The following NHERF4 variants were observed in gnomAD, a reference collection of about 807,000 sequenced individuals.
NHERF4 encodes NHERF family PDZ scaffold protein 4, also known as Na(+)/H(+) exchange regulatory cofactor NHE-RF4.
At chr11:119,187,968 T>C in the NHERF4 span, 6 of 1,574,198 alleles carry the variant, frequency 3.8e-6, no homozygotes, top group Non-Finnish European at 5.2e-6. Flanking sequence ...CAGGTGACCT[T>C]GCTGGTGGCA....
the NHERF4 span, chr11:119,189,166 G>C: frequency 6.2e-7 from 1 of 1,612,920 alleles, no homozygotes; most frequent in Non-Finnish European, 8.5e-7. The surrounding 1 kb of genome is among the most constrained non-coding windows in gnomAD (Gnocchi z 5.8). Context: ...CCAGGTCTCT[G>C]CGGGGCTTGG....
chr11:119,188,674 C>CA, the NHERF4 span: 1 of 1,614,184 alleles, frequency 6.2e-7, no homozygotes, highest in Non-Finnish European at 8.5e-7. Flanking sequence ...TTGGAGAACA[C>CA]AGAGGCTCCC....
chr11:119,186,361 A>G, the NHERF4 span: 5 of 1,555,590 alleles, frequency 3.2e-6, no homozygotes, highest in African/African-American at 1.4e-5. The surrounding 1 kb of genome is among the most constrained non-coding windows in gnomAD (Gnocchi z 4.4). Flanking sequence ...CCAACACCCA[A>G]CCAGGCAGAA....
chr11:119,186,338 C>A, the NHERF4 span: 1 of 1,558,146 alleles, frequency 6.4e-7, no homozygotes, highest in Non-Finnish European at 8.8e-7. The surrounding 1 kb of genome is among the most constrained non-coding windows in gnomAD (Gnocchi z 4.4). Flanking sequence ...CCTCTGCCCA[C>A]GAACCCCACC....
At chr11:119,187,164 AG>A in the NHERF4 span, 1 of 913,650 alleles carries the variant, frequency 1.1e-6, no homozygotes, top group East Asian at 2.9e-5. Flanking sequence ...AAAAAGAAAA[AG>A]AAAAAAAGCC....
the NHERF4 span, chr11:119,188,192 G>A: frequency 6.6e-7 from 1 of 1,514,554 alleles, no homozygotes. Flanking sequence ...CCTTGGGGTG[G>A]GCACACAAGC....
At chr11:119,188,474 G>A in the NHERF4 span, 1 of 1,611,704 alleles carries the variant, frequency 6.2e-7, no homozygotes, top group Non-Finnish European at 8.5e-7. Flanking sequence ...TGAGGAGACA[G>A]TGTCCAGGAT....
the NHERF4 span, chr11:119,187,821 T>TC: frequency 6.9e-7 from 1 of 1,456,790 alleles, no homozygotes; most frequent in Non-Finnish European, 9.1e-7. Context: ...ATCACCATCC[T>TC]CCCCCTCTAC....
the NHERF4 span, chr11:119,186,775 C>T: frequency 2.4e-6 from 3 of 1,259,016 alleles, no homozygotes; most frequent in Non-Finnish European, 3.3e-6. This position sits in a 1 kb window ranked among gnomAD's most constrained non-coding sequence, Gnocchi z 4.4. Context: ...GGCAGCAGGG[C>T]ACAAGCCTCA....
the NHERF4 span, chr11:119,187,785 ACCT>A: frequency 6.8e-7 from 1 of 1,459,944 alleles, no homozygotes; most frequent in Non-Finnish European, 9.0e-7. Context: ...CATGCGCCTA[ACCT>A]CCTTATCTGG....
the NHERF4 span, chr11:119,187,140 C>CAA: frequency 6.1e-3 from 3,063 of 504,796 alleles, no homozygotes; most frequent in South Asian, 7.9e-3. Flanking sequence ...AACTCCATCT[C>CAA]AAAAAAAAAA....
At chr11:119,188,285 T>G in the NHERF4 span, 1 of 1,593,292 alleles carries the variant, frequency 6.3e-7, no homozygotes, top group Non-Finnish European at 8.6e-7. Context: ...CACTCTGGGG[T>G]CAGTCCCCTG....
At chr11:119,188,798 T>TG in the NHERF4 span, 1 of 1,614,196 alleles carries the variant, frequency 6.2e-7, no homozygotes, top group Non-Finnish European at 8.5e-7. Flanking sequence ...TCCTGTACCC[T>TG]GGGCCTGGTG....
the NHERF4 span, chr11:119,187,199 G>T: frequency 1.6e-6 from 2 of 1,238,914 alleles, no homozygotes; most frequent in Non-Finnish European, 1.1e-6. Context: ...AAAAAATGTG[G>T]ATTCCAGGGA....
chr11:119,189,311 T>C, the NHERF4 span: 1 of 1,488,236 alleles, frequency 6.7e-7, no homozygotes, highest in Non-Finnish European at 9.3e-7. The surrounding 1 kb of genome is among the most constrained non-coding windows in gnomAD (Gnocchi z 5.8). Flanking sequence ...GTGTGGGGTA[T>C]GCAGGTTGGG....
At chr11:119,187,294 A>G in the NHERF4 span, 2 of 1,608,780 alleles carry the variant, frequency 1.2e-6, no homozygotes, top group Non-Finnish European at 1.7e-6. Flanking sequence ...CCGGGCCAGC[A>G]GCCCTCGGGT....
At chr11:119,189,955 C>A in the NHERF4 span, 1 of 344,798 alleles carries the variant, frequency 2.9e-6, no homozygotes, top group Non-Finnish European at 5.3e-6. The surrounding 1 kb of genome is among the most constrained non-coding windows in gnomAD (Gnocchi z 5.8). Context: ...ATAAATCTGA[C>A]TGCCTGTGTT....
At chr11:119,186,721 CA>C in the NHERF4 span, 2 of 1,560,892 alleles carry the variant, frequency 1.3e-6, no homozygotes, top group Non-Finnish European at 1.7e-6. The surrounding 1 kb of genome is among the most constrained non-coding windows in gnomAD (Gnocchi z 4.4). Flanking sequence ...AGCATGCTAG[CA>C]CCTCAGAAAG....
At chr11:119,187,220 G>T in the NHERF4 span, 2 of 1,443,152 alleles carry the variant, frequency 1.4e-6, no homozygotes, top group East Asian at 2.6e-5. Flanking sequence ...GGTCCTGGGG[G>T]TTGGCAAGAG....
Sources: gnomAD v4.1 joint callset for allele counts on GRCh38, gnomAD v4.1.1 for gene constraint, Gnocchi (gnomAD v3.1) non-coding constraint, MANE v1.5 for transcripts, NCBI Gene and HGNC (gene_info 2026-07-23, HGNC 2026-07-21) for gene names.